The following DNAH7 variants were observed in gnomAD, a reference collection of about 807,000 sequenced individuals.
DNAH7 encodes the protein axonemal beta dynein heavy chain 7.
In DNAH7, 397 loss-of-function variants were observed where a neutral mutation model predicts 444.6. The observed-to-expected ratio is 0.89, with a 90% CI of 0.82 to 0.97. The LOEUF is 0.97. DNAH7 is among the 50% of genes least tolerant of loss of function. The pLI is 0.00. For synonymous variants in DNAH7, 1,636 were observed against 1,624.4 expected (o/e 1.01, Z -0.17); for missense variants, 4,902 against 4,800.8 (o/e 1.02, Z -0.62).
Position 196,019,205 on chromosome 2 carries a change from C to T in DNAH7, c.834G>A (p.Met278Ile). Residue 278 changes from methionine (M) to isoleucine (I), a missense_variant, in exon 9 of 65, where the codon ATG becomes ATA. Coordinates refer to ENST00000312428, the MANE Select transcript of DNAH7 (RefSeq NM_018897.3). ...RDHLNAMNPT[M>I]LAVLDLWHTN... ...TGTGCCACAAATCTAGTACAGCCAGCATTGTGGGGTTCATTGCATTCAAGT... is the reference window on the plus strand; with the variant it reads ...TGTGCCACAAATCTAGTACAGCCAGTATTGTGGGGTTCATTGCATTCAAGT... 1 of 1,518,484 alleles carries T rather than the reference C, an allele frequency of 6.6e-7. No homozygotes were observed. Among genetic ancestry groups the T allele is most frequent in the Non-Finnish European group, 8.9e-7 (1 of 1,121,714 alleles). The allele number at this position is 1,518,484 out of a possible 1,614,324, so 94.1% of individuals were successfully genotyped here.
intron 1 of DNAH7, among the ~76,000 whole-genome samples, chr2:196,066,984 C>T (rs2125909931): frequency 6.6e-6 from 1 of 152,156 alleles, no homozygotes; most frequent in East Asian, 1.9e-4. Context: ...GATAGAGGGC[C>T]CTCTGCTGTT....
At chr2:195,977,382 T>C (rs1692280678) in intron 15 of DNAH7, among the ~76,000 whole-genome samples, 1 of 152,218 alleles carries the variant, frequency 6.6e-6, no homozygotes, top group South Asian at 2.1e-4. Flanking sequence ...AGACTCTTAA[T>C]AGCAGAGTTT....
rs371626467 is a variant in DNAH7, at chr2:195,754,544, G to T, written c.11587-30C>A. 4.4e-6 allele frequency: 7 copies of T among 1,594,028 alleles called. No homozygotes were observed. The African/African-American group carries it at 9.5e-5, about 22-fold the overall frequency. ...GGTGTAAAACACAAGTGGGCTAACA[G>T]TAGCACCTTTCAACCTTTTTTTCTT... On this transcript the variant is annotated intron_variant, in intron 62 of 64. Transcript: ENST00000312428.
At chr2:195,962,978 T>C (rs958189112) in intron 17 of DNAH7, among the ~76,000 whole-genome samples, 2 of 152,198 alleles carry the variant, frequency 1.3e-5, no homozygotes, top group East Asian at 3.8e-4. Flanking sequence ...TAGTACACCA[T>C]CGTATACAGA....
At chr2:195,778,475 C>CAA (rs34018148) in intron 58 of DNAH7, among the ~76,000 whole-genome samples, 1 of 129,318 alleles carries the variant, frequency 7.7e-6, no homozygotes, top group East Asian at 2.1e-4. Flanking sequence ...CTGTCCCTAC[C>CAA]AAAAAAAAAA....
chr2:195,800,761 A>G (rs1696407662), intron 54 of DNAH7, among the ~76,000 whole-genome samples: 1 of 152,098 alleles, frequency 6.6e-6, no homozygotes, highest in South Asian at 2.1e-4. Context: ...AAGCTATTCT[A>G]TTTTCCTGGA....
At chr2:195,809,530 ATAATT>A (rs772331156) in intron 52 of DNAH7, among the ~76,000 whole-genome samples, 10 of 152,200 alleles carry the variant, frequency 6.6e-5, no homozygotes, top group South Asian at 4.1e-4. Context: ...AAAATAAAAC[ATAATT>A]TAATAGTAAC....
intron 63 of DNAH7, among the ~76,000 whole-genome samples, chr2:195,742,801 C>A (rs1693122983): frequency 6.6e-6 from 1 of 152,172 alleles, no homozygotes; most frequent in Admixed American, 6.5e-5. Flanking sequence ...CCTAGTAGTA[C>A]CTAGCAATTC....
chr2:195,754,367 C>G lies in DNAH7; in HGVS notation c.11734G>C (p.Asp3912His). 1 of 1,613,998 alleles carries G rather than the reference C, an allele frequency of 6.2e-7. No homozygotes were observed. Among genetic ancestry groups the G allele is most frequent in the South Asian group, 1.1e-5 (1 of 91,060 alleles). ...TCAGGAGGATGCTTGTATTCTTTGT[C>G]TTCCATCACTTCATAGTCAAACCCA... ...LLGFDYEVMEDKEYKHPPEDG... is the reference protein window; with the variant it reads ...LLGFDYEVMEHKEYKHPPEDG... The change falls in exon 63 of 65, where the codon GAC becomes CAC. Residue 3912 changes from aspartate to histidine, a missense_variant. Coordinates refer to ENST00000312428, the MANE Select transcript of DNAH7 (RefSeq NM_018897.3).
intron 48 of DNAH7, among the ~76,000 whole-genome samples, chr2:195,829,978 T>TA (rs1017876976): frequency 2.0e-5 from 3 of 152,026 alleles, no homozygotes; most frequent in African/African-American, 4.8e-5. Flanking sequence ...TTTTGAATTT[T>TA]AAAAAAAGGA....
At chr2:195,790,883 C>T (rs1695846771) in intron 57 of DNAH7, among the ~76,000 whole-genome samples, 1 of 152,100 alleles carries the variant, frequency 6.6e-6, no homozygotes, top group Non-Finnish European at 1.5e-5. Flanking sequence ...GCAAAAGAAA[C>T]TATCAACAGA....
intron 15 of DNAH7, among the ~76,000 whole-genome samples, chr2:195,974,082 AGAAGGG>A (rs920375688): frequency 2.2e-4 from 34 of 152,150 alleles, no homozygotes; most frequent in Admixed American, 3.3e-4. Context: ...ATTTCAAGAA[AGAAGGG>A]GAAGGGGAAG....
At chr2:195,989,679 T>G (rs1481033307) in intron 12 of DNAH7, among the ~76,000 whole-genome samples, 1 of 152,174 alleles carries the variant, frequency 6.6e-6, no homozygotes, top group Non-Finnish European at 1.5e-5. Flanking sequence ...GGGAGGTGTC[T>G]GGGTCATGGG....
intron 12 of DNAH7, among the ~76,000 whole-genome samples, chr2:195,991,221 A>G (rs1287696323): frequency 6.6e-6 from 1 of 152,000 alleles, no homozygotes; most frequent in Non-Finnish European, 1.5e-5. Flanking sequence ...GCCTACTCCC[A>G]ATTTTGGGAG....
intron 34 of DNAH7, 123 bp downstream of exon 34, chr2:195,886,018 C>T: frequency 8.6e-7 from 1 of 1,158,770 alleles, no homozygotes; most frequent in Non-Finnish European, 1.2e-6. Context: ...CATTCTTCAG[C>T]TACCACCCGT....
At chr2:195,842,927 A>G (rs1186021383) in intron 47 of DNAH7, among the ~76,000 whole-genome samples, 4 of 152,214 alleles carry the variant, frequency 2.6e-5, no homozygotes, top group African/African-American at 9.6e-5. Flanking sequence ...ACCATGATAT[A>G]TAAATTGCAA....
At position 195,888,922 on chromosome 2, in the gene DNAH7, A is replaced by AT; in HGVS notation, c.5105dup (p.Asn1702LysfsTer8). 6.2e-7 allele frequency: 1 copy of AT among 1,614,020 alleles called. No individual in the cohort carries two copies. Among genetic ancestry groups the AT allele is most frequent in the African/African-American group, 1.3e-5 (1 of 75,014 alleles). On this transcript the variant is annotated frameshift_variant, in exon 32 of 65. Coordinates refer to ENST00000312428, the MANE Select transcript of DNAH7 (RefSeq NM_018897.3). LOFTEE classifies it high-confidence loss of function. ...TGTTGTCATCCAGCACAGTGTTCAT[A>AT]TTCTCAATCCACACTGCATCTACTG...
chr2:196,062,615 C>T (rs918554696), intron 1 of DNAH7, among the ~76,000 whole-genome samples: 2 of 152,264 alleles, frequency 1.3e-5, no homozygotes, highest in Non-Finnish European at 2.9e-5. Context: ...GACCTACTTA[C>T]GATCACACCT....
chr2:195,956,184 G>A (rs897121482), intron 19 of DNAH7, among the ~76,000 whole-genome samples: 1 of 152,004 alleles, frequency 6.6e-6, no homozygotes, highest in Admixed American at 6.6e-5. Context: ...ATAAAGATAT[G>A]CATATTTCTA....
Sources: allele counts gnomAD v4.1 joint callset (sites outside exome capture counted in the v4.1 genomes callset), GRCh38; gene constraint gnomAD v4.1.1; transcripts MANE v1.5; gene names NCBI Gene and HGNC (gene_info 2026-07-23, HGNC 2026-07-21).